Variants in DGKB observed in about 807,000 individuals in gnomAD.
DGKB encodes the protein diacylglycerol kinase beta.
Under a neutral mutation model 114.3 loss-of-function variants are expected in DGKB, and 67 were observed. That is an observed-to-expected ratio of 0.59 (90% confidence interval 0.48 to 0.72). The LOEUF is 0.72. DGKB is among the 30% of genes least tolerant of loss of function. The pLI is 0.00. For synonymous variants in DGKB, 398 were observed against 323.1 expected (o/e 1.23, Z -2.49); for missense variants, 907 against 975.2 (o/e 0.93, Z 0.93).
At chr7:14,750,653 C>T (rs560733855) in intron 4 of DGKB, among the ~76,000 whole-genome samples, 2 of 152,100 alleles carry the variant, frequency 1.3e-5, no homozygotes, top group East Asian at 3.9e-4. Flanking sequence ...ACTTGTTCAC[C>T]TAAAAATATG....
At chr7:14,713,281 T>C (rs576724987) in intron 6 of DGKB, among the ~76,000 whole-genome samples, 1 of 152,262 alleles carries the variant, frequency 6.6e-6, no homozygotes, top group South Asian at 2.1e-4. Context: ...TTATGTGTTG[T>C]TGATATGAGC....
chr7:14,502,288 A>C (rs752720033), intron 20 of DGKB, among the ~76,000 whole-genome samples: 2 of 152,014 alleles, frequency 1.3e-5, no homozygotes, highest in African/African-American at 2.4e-5. Flanking sequence ...CTGGAGAGAG[A>C]GAAGTCAGGT....
intron 23 of DGKB, among the ~76,000 whole-genome samples, chr7:14,291,950 G>A (rs991112380): frequency 1.3e-5 from 2 of 152,116 alleles, no homozygotes; most frequent in Non-Finnish European, 2.9e-5. Flanking sequence ...ACTTCTGGAA[G>A]CTGTTAGTAG....
intron 23 of DGKB, among the ~76,000 whole-genome samples, chr7:14,205,888 G>A (rs558692178): frequency 1.3e-5 from 2 of 151,934 alleles, no homozygotes; most frequent in East Asian, 3.9e-4. Flanking sequence ...AGGCAGATAG[G>A]CCAAATAATA....
At chr7:14,797,460 G>T (rs1841556796) in intron 2 of DGKB, among the ~76,000 whole-genome samples, 1 of 151,988 alleles carries the variant, frequency 6.6e-6, no homozygotes, top group Non-Finnish European at 1.5e-5. Context: ...TATCCAGAAG[G>T]GCTACAAATA....
At chr7:14,502,190 A>G (rs1402700851) in intron 20 of DGKB, among the ~76,000 whole-genome samples, 1 of 151,968 alleles carries the variant, frequency 6.6e-6, no homozygotes, top group Non-Finnish European at 1.5e-5. Flanking sequence ...TTCTCTTGGA[A>G]AGCTTGTTTT....
chr7:14,939,200 T>C (rs550687965), intron 1 of DGKB, among the ~76,000 whole-genome samples: 3 of 152,314 alleles, frequency 2.0e-5, no homozygotes, highest in African/African-American at 4.8e-5. Context: ...TAAATATCTA[T>C]TGACATACAT....
At chr7:14,664,814 G>A (rs954053160) in intron 13 of DGKB, among the ~76,000 whole-genome samples, 1 of 151,726 alleles carries the variant, frequency 6.6e-6, no homozygotes, top group Non-Finnish European at 1.5e-5. Flanking sequence ...ACTCTGAATT[G>A]CAGGAAAGAA....
intron 2 of DGKB, among the ~76,000 whole-genome samples, chr7:14,823,388 C>T (rs925672191): frequency 6.6e-6 from 1 of 151,922 alleles, no homozygotes; most frequent in Non-Finnish European, 1.5e-5. Flanking sequence ...TGTTTTTGCT[C>T]TGTTAGAAAT....
intron 1 of DGKB, among the ~76,000 whole-genome samples, chr7:14,880,988 A>G (rs1399199523): frequency 1.3e-5 from 2 of 152,170 alleles, no homozygotes; most frequent in Non-Finnish European, 2.9e-5. Context: ...TGAATAAATA[A>G]ATAACAATGA....
chr7:14,355,241 T>A (rs998176984), intron 21 of DGKB, among the ~76,000 whole-genome samples: 2 of 152,044 alleles, frequency 1.3e-5, no homozygotes, highest in African/African-American at 4.8e-5. Flanking sequence ...TAAGCACAGG[T>A]GTGAGAATAT....
At chr7:14,772,056 G>A (rs1562495483) in intron 2 of DGKB, among the ~76,000 whole-genome samples, 2 of 152,002 alleles carry the variant, frequency 1.3e-5, no homozygotes, top group South Asian at 2.1e-4. Context: ...AGAAGCCCCC[G>A]GCTTTGAGCT....
chr7:14,766,480 A>G (rs142628060), intron 2 of DGKB, among the ~76,000 whole-genome samples: 6 of 152,006 alleles, frequency 3.9e-5, no homozygotes, highest in African/African-American at 1.4e-4. Flanking sequence ...AAACTTGCCA[A>G]TAAGTAAAAT....
chr7:14,709,258 A>T (rs1826892545), intron 6 of DGKB, among the ~76,000 whole-genome samples: 1 of 151,672 alleles, frequency 6.6e-6, no homozygotes. Flanking sequence ...AATCAAAACC[A>T]CTATGAGATA....
intron 21 of DGKB, among the ~76,000 whole-genome samples, chr7:14,429,107 A>G (rs1414655188): frequency 1.3e-5 from 2 of 152,184 alleles, no homozygotes; most frequent in Non-Finnish European, 2.9e-5. Flanking sequence ...CTATTTTGAC[A>G]GAAGGATTAG....
intron 17 of DGKB, among the ~76,000 whole-genome samples, chr7:14,584,806 C>A (rs1800492890): frequency 6.6e-6 from 1 of 151,784 alleles, no homozygotes; most frequent in African/African-American, 2.4e-5. Flanking sequence ...ATTACAGGTG[C>A]CTGCCACCAC....
chr7:14,418,415 G>A (rs142938142), intron 21 of DGKB, among the ~76,000 whole-genome samples: 3 of 87,598 alleles, frequency 3.4e-5, no homozygotes, highest in East Asian at 5.7e-4. Context: ...ATATTCATGT[G>A]AGTATACATA....
At chr7:14,152,943 CTT>C (rs1375160515) in intron 25 of DGKB, among the ~76,000 whole-genome samples, 7 of 152,204 alleles carry the variant, frequency 4.6e-5, no homozygotes, top group Non-Finnish European at 8.8e-5. Context: ...TCATCCACCT[CTT>C]TGAGCTGCCC....
chr7:14,624,807 G>C (rs1808276593), intron 14 of DGKB, among the ~76,000 whole-genome samples: 1 of 152,062 alleles, frequency 6.6e-6, no homozygotes, highest in Admixed American at 6.6e-5. Context: ...AGACCAGCTT[G>C]GGCAACATGG....
Sources: gnomAD v4.1 joint callset for allele counts (sites outside exome capture counted in the v4.1 genomes callset) on GRCh38, gnomAD v4.1.1 for gene constraint, MANE v1.5 for transcripts, NCBI Gene and HGNC (gene_info 2026-07-23, HGNC 2026-07-21) for gene names.